TBC1D5: variants seen among roughly 807,000 people sequenced by gnomAD.
The protein encoded by TBC1D5 is TBC1 domain family member 5.
Under a neutral mutation model 100.3 loss-of-function variants are expected in TBC1D5, and 75 were observed. The ratio of observed to expected loss-of-function variants is 0.75; its 90% CI spans 0.62 to 0.91. The LOEUF is 0.91. Among genes scored for constraint, TBC1D5 ranks in the 40% least tolerant of loss-of-function variants. The probability of loss-of-function intolerance (pLI) is 0.00; values close to 1 mark genes in which losing one functional copy is unlikely to be tolerated. For missense variants in TBC1D5, 910 were observed against 942.4 expected (o/e 0.97, Z 0.45); for synonymous variants, 323 against 325.6 (o/e 0.99, Z 0.09).
At chr3:17,617,630 C>T (rs892242812) in intron 2 of TBC1D5, among the ~76,000 whole-genome samples, 1 of 152,160 alleles carries the variant, frequency 6.6e-6, no homozygotes, top group East Asian at 1.9e-4. Context: ...TGTCTTCTCG[C>T]TTTATTTCAT....
chr3:17,295,303 C>T (rs1411658950), intron 14 of TBC1D5, among the ~76,000 whole-genome samples: 1 of 152,138 alleles, frequency 6.6e-6, no homozygotes, highest in East Asian at 1.9e-4. Context: ...AACTTTATTC[C>T]TCCCATTTAT....
intron 19 of TBC1D5, among the ~76,000 whole-genome samples, chr3:17,168,566 T>G (rs1246165954): frequency 6.6e-6 from 1 of 152,028 alleles, no homozygotes; most frequent in Non-Finnish European, 1.5e-5. Context: ...CACACAGCTC[T>G]ATCAGGAACT....
intron 13 of TBC1D5, among the ~76,000 whole-genome samples, chr3:17,339,707 T>G (rs918791390): frequency 1.3e-5 from 2 of 152,194 alleles, no homozygotes; most frequent in African/African-American, 4.8e-5. Flanking sequence ...AGCAAAAAAT[T>G]TACTGCCTAC....
At chr3:17,598,607 A>G (rs1486830764) in intron 2 of TBC1D5, among the ~76,000 whole-genome samples, 2 of 152,232 alleles carry the variant, frequency 1.3e-5, no homozygotes, top group Admixed American at 6.5e-5. Context: ...AACTGCAAAA[A>G]GAAAAACTCA....
intron 1 of TBC1D5, among the ~76,000 whole-genome samples, chr3:17,659,170 C>G (rs1446440926): frequency 6.6e-6 from 1 of 152,184 alleles, no homozygotes; most frequent in African/African-American, 2.4e-5. Flanking sequence ...AGATTATATA[C>G]TACACATCCC....
At chr3:17,434,094 T>C (rs1010374787) in intron 3 of TBC1D5, among the ~76,000 whole-genome samples, 3 of 152,172 alleles carry the variant, frequency 2.0e-5, no homozygotes, top group Non-Finnish European at 2.9e-5. Flanking sequence ...ACAGCTGGCG[T>C]TGAGTGTCTG....
chr3:17,177,635 G>A (rs910155763), intron 19 of TBC1D5, among the ~76,000 whole-genome samples: 30 of 152,294 alleles, frequency 2.0e-4, no homozygotes, highest in African/African-American at 7.2e-4. Flanking sequence ...TCTGTCAAGG[G>A]CCAGTAACAC....
intron 15 of TBC1D5, among the ~76,000 whole-genome samples, chr3:17,280,302 G>A (rs2080440343): frequency 6.6e-6 from 1 of 152,134 alleles, no homozygotes; most frequent in African/African-American, 2.4e-5. Context: ...GATAGGGACT[G>A]GAGGCTGGGA....
intron 3 of TBC1D5, among the ~76,000 whole-genome samples, chr3:17,494,186 G>A (rs1346546879): frequency 6.6e-6 from 1 of 151,912 alleles, no homozygotes; most frequent in Non-Finnish European, 1.5e-5. Context: ...GTTTGCTTGG[G>A]GTCCACCTGA....
At chr3:17,739,508 T>C (rs1401987322) in exon 1 of TBC1D5, 1 of 152,052 alleles carries the variant, frequency 6.6e-6, no homozygotes, top group Non-Finnish European at 1.5e-5. Flanking sequence ...TACGCATACA[T>C]GTAGGGTGGA....
chr3:17,299,624 C>T (rs140559213), intron 14 of TBC1D5, among the ~76,000 whole-genome samples: 2 of 151,932 alleles, frequency 1.3e-5, no homozygotes, highest in African/African-American at 4.8e-5. Flanking sequence ...TTTGAGAGGG[C>T]GAGATGGGCG....
chr3:17,394,349 A>G (rs1451373554), intron 8 of TBC1D5, among the ~76,000 whole-genome samples: 1 of 152,154 alleles, frequency 6.6e-6, no homozygotes, highest in African/African-American at 2.4e-5. Flanking sequence ...AGATTAACAT[A>G]AATTATAGAG....
At chr3:17,494,389 G>C (rs542162153) in intron 3 of TBC1D5, among the ~76,000 whole-genome samples, 1 of 152,200 alleles carries the variant, frequency 6.6e-6, no homozygotes, top group Non-Finnish European at 1.5e-5. Flanking sequence ...CCAGTCAGGA[G>C]GCACGGAATC....
At chr3:17,458,955 G>A (rs2095147197) in intron 3 of TBC1D5, among the ~76,000 whole-genome samples, 2 of 152,074 alleles carry the variant, frequency 1.3e-5, no homozygotes, top group Admixed American at 6.5e-5. Flanking sequence ...TAACTAACGC[G>A]TAGCCATACA....
At chr3:17,189,791 C>T (rs1473672531) in intron 18 of TBC1D5, among the ~76,000 whole-genome samples, 1 of 152,196 alleles carries the variant, frequency 6.6e-6, no homozygotes, top group Non-Finnish European at 1.5e-5. Flanking sequence ...TGAATAATCC[C>T]ATATTTCAGT....
At chr3:17,475,544 ATCATC>A (rs1451933876) in intron 3 of TBC1D5, among the ~76,000 whole-genome samples, 3 of 152,068 alleles carry the variant, frequency 2.0e-5, no homozygotes, top group African/African-American at 7.2e-5. Context: ...CTGCCCTGCA[ATCATC>A]AACAAGTAGT....
intron 13 of TBC1D5, among the ~76,000 whole-genome samples, chr3:17,320,001 G>T (rs1233391856): frequency 6.6e-6 from 1 of 152,192 alleles, no homozygotes; most frequent in African/African-American, 2.4e-5. Flanking sequence ...TGGTTGTGTA[G>T]TATTCCATAA....
At chr3:17,606,875 A>G (rs1576985953) in intron 2 of TBC1D5, among the ~76,000 whole-genome samples, 1 of 152,186 alleles carries the variant, frequency 6.6e-6, no homozygotes, top group African/African-American at 2.4e-5. Context: ...ACAGCTTCAG[A>G]TAAGACAGAA....
At position 17,678,892 on chromosome 3, in the gene TBC1D5, A is replaced by G. The variant is rs563836058; in HGVS notation, c.-100-54979T>C. 2.0e-5 allele frequency among the ~76,000 whole-genome samples: 3 copies of G among 151,290 alleles called. No homozygotes were observed. The East Asian group carries it at 5.8e-4, about 29-fold the overall frequency. ...ATAGCCAGGAAAAAAAAAGTGGTGG[A>G]CAAAAAAAAGTGGCAATGGATTTCT... is the stretch of plus-strand genomic sequence containing the variant. On this transcript the variant is annotated intron_variant, in intron 1 of 21. Coordinates refer to ENST00000253692, the Ensembl canonical transcript of TBC1D5.
Sources: allele counts gnomAD v4.1 joint callset (sites outside exome capture counted in the v4.1 genomes callset), GRCh38; gene constraint gnomAD v4.1.1; transcripts MANE v1.5; gene names NCBI Gene and HGNC (gene_info 2026-07-23, HGNC 2026-07-21).